The following CHSY1 variants were observed in gnomAD, a reference collection of about 807,000 sequenced individuals.
CHSY1 encodes N-acetylgalactosaminyl-proteoglycan 3-beta-glucuronosyltransferase 1.
CHSY1 carries 13 observed loss-of-function variants against 59.8 expected under a neutral mutation model. That is an observed-to-expected ratio of 0.22 (90% CI 0.14 to 0.35). CHSY1 has a LOEUF of 0.35. CHSY1 is among the 10% of genes least tolerant of loss of function. The probability of loss-of-function intolerance (pLI) is 1.00; values close to 1 mark genes in which losing one functional copy is unlikely to be tolerated. For synonymous variants in CHSY1, 459 were observed against 401.2 expected (o/e 1.14, Z -1.72); for missense variants, 947 against 1,030.6 (o/e 0.92, Z 1.11).
intron 1 of CHSY1, among the ~76,000 whole-genome samples, chr15:101,237,904 C>T (rs1596453798): frequency 6.6e-6 from 1 of 152,168 alleles, no homozygotes; most frequent in African/African-American, 2.4e-5. Flanking sequence ...TTACCTGTTA[C>T]AAGTGTATTT....
chr15:101,233,624 T>A (rs1327645239), intron 2 of CHSY1, among the ~76,000 whole-genome samples: 2 of 152,138 alleles, frequency 1.3e-5, no homozygotes, highest in Admixed American at 6.5e-5. Flanking sequence ...CAGTGAGCTG[T>A]CCCCTATGTG....
At chr15:101,243,018 T>C (rs957175900) in intron 1 of CHSY1, among the ~76,000 whole-genome samples, 1 of 152,106 alleles carries the variant, frequency 6.6e-6, no homozygotes, top group African/African-American at 2.4e-5. Flanking sequence ...AAAATAGACT[T>C]GAGGGGAAAG....
intron 1 of CHSY1, 149 bp from the exon 2 acceptor site, chr15:101,235,726 GTTA>G: frequency 1.3e-6 from 1 of 785,490 alleles, no homozygotes; most frequent in East Asian, 2.6e-5. Flanking sequence ...GAAAGCCCAG[GTTA>G]CCGCGTATTG....
At chr15:101,201,778 G>C (rs1431821320) in intron 2 of CHSY1, among the ~76,000 whole-genome samples, 1 of 152,212 alleles carries the variant, frequency 6.6e-6, no homozygotes, top group East Asian at 1.9e-4. Flanking sequence ...TTCTTAGAGA[G>C]ATCAGCCTAA....
chr15:101,205,593 C>T (rs901829924), intron 2 of CHSY1, among the ~76,000 whole-genome samples: 43 of 152,172 alleles, frequency 2.8e-4, no homozygotes, highest in African/African-American at 1.0e-3. Context: ...TTAGTATTAG[C>T]AGCCTGACAT....
chr15:101,179,419 CAGA>C (rs1435475774), intron 2 of CHSY1, among the ~76,000 whole-genome samples: 1 of 152,192 alleles, frequency 6.6e-6, no homozygotes, highest in African/African-American at 2.4e-5. Flanking sequence ...TCCTGAGAGC[CAGA>C]AGAACTCCAG....
At chr15:101,250,364 C>T (rs937571287) in intron 1 of CHSY1, among the ~76,000 whole-genome samples, 4 of 152,246 alleles carry the variant, frequency 2.6e-5, no homozygotes, top group Non-Finnish European at 4.4e-5. Context: ...ACCATGCCAG[C>T]CATTCCAAAA....
In CHSY1 at chr15:101,243,384, G is replaced by T. The variant is rs185706728; in HGVS notation, c.320+7753C>A. 1.0e-3 allele frequency among the ~76,000 whole-genome samples: 153 copies of T among 152,258 alleles called. No homozygotes were observed. The Middle Eastern group carries it at 0.014, about 14-fold the overall frequency. ...GCGACTAATACTTAATGATCCACAT[G>T]AACCAAAAATCAGTATCGTTTAATG... On this transcript the variant is annotated intron_variant, in intron 1 of 2. Coordinates refer to ENST00000254190, the MANE Select transcript of CHSY1 (RefSeq NM_014918.5).
At chr15:101,209,705 T>G (rs2038664995) in intron 2 of CHSY1, among the ~76,000 whole-genome samples, 1 of 152,230 alleles carries the variant, frequency 6.6e-6, no homozygotes, top group South Asian at 2.1e-4. Flanking sequence ...ATATTTTCTA[T>G]GTTTAATTCT....
chr15:101,245,903 T>TTCTA (rs1330553693), intron 1 of CHSY1, among the ~76,000 whole-genome samples: 1 of 152,228 alleles, frequency 6.6e-6, no homozygotes, highest in Non-Finnish European at 1.5e-5. Flanking sequence ...CCAAGTTGAA[T>TTCTA]TCTATCTAAG....
intron 2 of CHSY1, chr15:101,186,592 CCA>C (rs2038369013): frequency 1.3e-5 from 2 of 151,964 alleles, no homozygotes; most frequent in African/African-American, 4.8e-5. Flanking sequence ...CTGCTTGAGC[CCA>C]GGGATTCAAG....
At chr15:101,211,099 G>A (rs2038677961) in intron 2 of CHSY1, among the ~76,000 whole-genome samples, 1 of 152,164 alleles carries the variant, frequency 6.6e-6, no homozygotes. Context: ...TGAGGAGGGT[G>A]GATCACCTGA....
rs138687339 is a variant in CHSY1, at chr15:101,229,991, G to T, written c.816+5091C>A. Among the ~76,000 whole-genome samples, 250 of 151,488 alleles carry T rather than the reference G, an allele frequency of 1.7e-3. 4 individuals carry two copies. The East Asian group carries it at 0.043, about 26-fold the overall frequency. On this transcript the variant is annotated intron_variant, in intron 2 of 2. Transcript: ENST00000254190. ...GGAGTTTTGCTCTTTGCCCAGGCTG[G>T]AGTGAAGTGGCGTGATCTCGGCTCA...
chr15:101,184,539 G>C (rs1304586038), intron 2 of CHSY1, among the ~76,000 whole-genome samples: 1 of 151,076 alleles, frequency 6.6e-6, no homozygotes, highest in East Asian at 2.3e-4. Context: ...TTGTAGAGAT[G>C]GGGTTTCACC....
intron 2 of CHSY1, among the ~76,000 whole-genome samples, chr15:101,206,456 T>A (rs557748367): frequency 6.6e-6 from 1 of 152,212 alleles, no homozygotes; most frequent in Non-Finnish European, 1.5e-5. Context: ...GGGTTAGTCA[T>A]CAGCTGGGGC....
At chr15:101,198,090 A>C (rs746811599) in intron 2 of CHSY1, among the ~76,000 whole-genome samples, 44 of 151,920 alleles carry the variant, frequency 2.9e-4, no homozygotes, top group Admixed American at 1.2e-3. Flanking sequence ...CCTTCTGTCC[A>C]GTTAGGTGTG....
chr15:101,215,748 C>T (rs1047035210), intron 2 of CHSY1, among the ~76,000 whole-genome samples: 4 of 152,126 alleles, frequency 2.6e-5, no homozygotes, highest in Admixed American at 1.3e-4. Context: ...TCATCAGATA[C>T]GAATTCATCA....
intron 1 of CHSY1, among the ~76,000 whole-genome samples, chr15:101,246,873 G>GA (rs11371672): frequency 0.31 from 47,666 of 151,960 alleles, 10,339 homozygotes; most frequent in African/African-American, 0.62. Flanking sequence ...TAACTAAAAA[G>GA]AAAATGTTTA....
At chr15:101,207,141 G>C (rs939906845) in intron 2 of CHSY1, among the ~76,000 whole-genome samples, 10 of 152,240 alleles carry the variant, frequency 6.6e-5, no homozygotes, top group African/African-American at 2.4e-4. Context: ...TCTCAGAAAG[G>C]GTCTACTCTT....
Sources: gnomAD v4.1 joint callset for allele counts (sites outside exome capture counted in the v4.1 genomes callset) on GRCh38, gnomAD v4.1.1 for gene constraint, MANE v1.5 for transcripts, NCBI Gene and HGNC (gene_info 2026-07-23, HGNC 2026-07-21) for gene names.